Variants in DNAH14 observed in about 807,000 individuals in gnomAD.
DNAH14 encodes axonemal beta dynein heavy chain 14.
DNAH14 carries 478 observed loss-of-function variants against 520.9 expected under a neutral mutation model. The observed-to-expected ratio is 0.92, with a 90% CI of 0.85 to 0.99. DNAH14 has a LOEUF of 0.99. Among genes scored for constraint, DNAH14 ranks in the 50% least tolerant of loss-of-function variants. The pLI is 0.00. For missense variants in DNAH14, 4,831 were observed against 5,234.5 expected, an observed-to-expected ratio of 0.92 and a Z score of 2.38; for synonymous variants, 1,581 against 1,757.2, an observed-to-expected ratio of 0.90 and a Z score of 2.51.
chr1:225,060,454 T>C (rs1032443594), intron 17 of DNAH14, among the ~76,000 whole-genome samples: 2 of 152,196 alleles, frequency 1.3e-5, no homozygotes, highest in Non-Finnish European at 2.9e-5. Flanking sequence ...TTGCCATTGG[T>C]TCGACCTTCC....
At chr1:225,035,177 C>G (rs1007865837) in intron 11 of DNAH14, among the ~76,000 whole-genome samples, 9 of 151,848 alleles carry the variant, frequency 5.9e-5, no homozygotes, top group Non-Finnish European at 1.2e-4. Flanking sequence ...TCACTTTTTT[C>G]TAGGGTTTCC....
chr1:225,287,118 C>T (rs1410985502), intron 54 of DNAH14, among the ~76,000 whole-genome samples: 3 of 152,014 alleles, frequency 2.0e-5, no homozygotes, highest in Admixed American at 2.0e-4. Flanking sequence ...GGTAAAAATT[C>T]TGTATACTAT....
Position 224,929,835 on chromosome 1 carries a change from G to T in DNAH14, c.-34G>T. 1 of 689,500 alleles carries T rather than the reference G, an allele frequency of 1.5e-6. No homozygotes were observed. The highest frequency in any genetic ancestry group is 2.7e-6 in the Non-Finnish European group (1 of 375,996). The allele number at this position is 689,500 out of a possible 1,614,324, so 42.7% of individuals were successfully genotyped here. On this transcript the variant is annotated splice_region_variant and 5_prime_UTR_variant, in exon 1 of 86. Coordinates refer to ENST00000682510, the MANE Select transcript of DNAH14 (RefSeq NM_001367479.1). ...ACGGCCGTCGGACCACGGCGCGGCG[G>T]GTAAGGTCGTCAGCGTCTTCCTGTC...
At chr1:225,216,878 T>A (rs1019597567) in intron 41 of DNAH14, among the ~76,000 whole-genome samples, 2 of 152,220 alleles carry the variant, frequency 1.3e-5, no homozygotes, top group Non-Finnish European at 2.9e-5. Flanking sequence ...TTATTACTGA[T>A]CATCTGATGC....
Position 224,971,391 on chromosome 1 carries a change from G to A in DNAH14, c.767+2517G>A, listed in dbSNP as rs571045745. Among the ~76,000 whole-genome samples the A allele has an allele frequency of 4.6e-5, 7 of 152,200 alleles. No individual in the cohort carries two copies. In the South Asian group the frequency reaches 1.5e-3, roughly 32 times the overall value. On this transcript the variant is annotated intron_variant, in intron 7 of 85. Coordinates refer to ENST00000682510, the MANE Select transcript of DNAH14 (RefSeq NM_001367479.1). Reference sequence around the variant, plus strand: ...TTTTTTGTAAGAGAAGAAGGATTTTGTGACAGAGAAATTAATTATTGAATA... The same window carrying A: ...TTTTTTGTAAGAGAAGAAGGATTTTATGACAGAGAAATTAATTATTGAATA...
rs755622635 is a variant in DNAH14 at position 225,270,852 on chromosome 1, T to C, written c.7657T>C (p.Cys2553Arg). ...ACCTCATCCTTCACAAGACATCTTA[T>C]GTACTATTTTCCAGGTAACACATCT... is the stretch of plus-strand genomic sequence containing the variant. ...VLPHPSQDIL[C>R]TIFQAHLGIY... The change falls in exon 50 of 86, where the codon TGT becomes CGT. Residue 2553 changes from cysteine (C) to arginine (R), a missense_variant. By Grantham distance (180) the Cys-to-Arg change is radical. Coordinates refer to ENST00000682510, the MANE Select transcript of DNAH14 (RefSeq NM_001367479.1). 6.4e-7 allele frequency: 1 copy of C among 1,551,038 alleles called. No homozygotes were observed. Among genetic ancestry groups the C allele is most frequent in the South Asian group, 1.2e-5 (1 of 83,936 alleles).
intron 35 of DNAH14, among the ~76,000 whole-genome samples, chr1:225,165,314 A>G (rs1402610631): frequency 6.6e-6 from 1 of 152,058 alleles, no homozygotes; most frequent in East Asian, 1.9e-4. Flanking sequence ...TGTTCATAAT[A>G]TCACTATAAA....
At chr1:225,152,590 G>A in intron 32 of DNAH14, 107 bp from the exon 33 acceptor site, 1 of 1,019,688 alleles carries the variant, frequency 9.8e-7, no homozygotes, top group Non-Finnish European at 1.4e-6. Context: ...TTCAGATAAA[G>A]GTCACACAGA....
rs2095557757 is a variant in DNAH14 at position 225,366,774 on chromosome 1, C to T, written c.12091-1031C>T. 2.6e-5 allele frequency among the ~76,000 whole-genome samples: 4 copies of T among 151,712 alleles called. No individual in the cohort carries two copies. In the South Asian group the frequency reaches 8.3e-4, roughly 32 times the overall value. On this transcript the variant is annotated intron_variant, in intron 76 of 85. Transcript: ENST00000682510. Reference sequence around the variant, plus strand: ...TAAAACTTAGAGCCATTTGCTTACACTCCAGGGGTTGTAAAAACCTAGAGA... The same window carrying T: ...TAAAACTTAGAGCCATTTGCTTACATTCCAGGGGTTGTAAAAACCTAGAGA...
At chr1:225,000,056 G>A (rs535723775) in intron 8 of DNAH14, among the ~76,000 whole-genome samples, 1 of 152,120 alleles carries the variant, frequency 6.6e-6, no homozygotes, top group East Asian at 1.9e-4. Flanking sequence ...TTTGATTTCT[G>A]TTTAAAGAAC....
intron 78 of DNAH14, among the ~76,000 whole-genome samples, chr1:225,376,969 C>CAT (rs1575101522): frequency 2.1e-5 from 2 of 95,728 alleles, no homozygotes; most frequent in Non-Finnish European, 5.2e-5. Flanking sequence ...ACCTTTAAAG[C>CAT]GTTTTTTTTT....
chr1:225,175,682 A>G (rs2083237185), intron 36 of DNAH14, among the ~76,000 whole-genome samples: 2 of 146,948 alleles, frequency 1.4e-5, no homozygotes, highest in African/African-American at 2.5e-5. Context: ...CTTGAGGTGT[A>G]AGTGTGTTTA....
rs1348610331 is a variant in DNAH14, at chr1:225,080,477, A to C, written c.2865A>C (p.Lys955Asn). The C allele has an allele frequency of 6.4e-7, 1 of 1,551,686 alleles. No individual in the cohort carries two copies. The highest frequency in any genetic ancestry group is 8.7e-7 in the Non-Finnish European group (1 of 1,147,024). Reference protein sequence around the residue: ...LSGEAASLTNKAKAYSHYQDC... With the variant: ...LSGEAASLTNNAKAYSHYQDC... ...GGGAAGCTGCAAGTTTAACTAACAA[A>C]GCTAAAGCATATTCACATTATCAGG... The change falls in exon 19 of 86, where the codon AAA becomes AAC. Residue 955 changes from lysine (K) to asparagine (N), a missense_variant. By Grantham distance (94) the Lys-to-Asn change is moderately conservative (BLOSUM62 0). Transcript: ENST00000682510.
At chr1:225,103,546 T>A (rs1196211383) in intron 23 of DNAH14, among the ~76,000 whole-genome samples, 2 of 152,162 alleles carry the variant, frequency 1.3e-5, no homozygotes, top group African/African-American at 2.4e-5. Flanking sequence ...TCCATTTGTT[T>A]GTATCCTCTT....
chr1:225,174,639 C>G (rs1470493865), intron 36 of DNAH14, among the ~76,000 whole-genome samples: 11 of 150,270 alleles, frequency 7.3e-5, no homozygotes, highest in Non-Finnish European at 3.0e-5. Context: ...TTAAATTTCT[C>G]CTTTCTAATT....
intron 10 of DNAH14, among the ~76,000 whole-genome samples, chr1:225,013,581 G>A (rs1395922764): frequency 6.6e-6 from 1 of 152,186 alleles, no homozygotes; most frequent in Non-Finnish European, 1.5e-5. Flanking sequence ...GGTGCTCTGT[G>A]CCAAGGAGAT....
intron 31 of DNAH14, among the ~76,000 whole-genome samples, chr1:225,147,842 G>A (rs924488139): frequency 6.6e-6 from 1 of 152,118 alleles, no homozygotes; most frequent in Non-Finnish European, 1.5e-5. Context: ...ATAAGTCCAT[G>A]TGTTCTCATC....
intron 17 of DNAH14, among the ~76,000 whole-genome samples, chr1:225,062,413 CAAGT>C (rs963315179): frequency 2.6e-5 from 4 of 152,074 alleles, no homozygotes; most frequent in Non-Finnish European, 5.9e-5. Context: ...ATCAGGGAAA[CAAGT>C]GAGAGAGAGG....
Position 225,266,739 on chromosome 1 carries a change from A to G in DNAH14, c.7509A>G (p.Gly2503=), listed in dbSNP as rs1349718329. ...ELIRQLLDLG[G]VYDTEKNTWK... is the part of the protein sequence containing the mutation. ...TAAGACAATTGTTAGATTTGGGAGG[A>G]GTTTATGATACTGAAAAAAATACAT... The change falls in exon 49 of 86, where the codon GGA becomes GGG. Residue 2503 remains glycine, a synonymous_variant. Transcript: ENST00000682510. 1 of 1,523,574 alleles carries G rather than the reference A, an allele frequency of 6.6e-7. No homozygotes were observed. The highest frequency in any genetic ancestry group is 2.5e-5 in the East Asian group (1 of 39,720). The allele number at this position is 1,523,574 out of a possible 1,614,324, so 94.4% of individuals were successfully genotyped here. A position where few individuals can be genotyped will look rare whatever the true frequency, so the allele number is the denominator to read the frequency against.
Sources: allele counts gnomAD v4.1 joint callset (sites outside exome capture counted in the v4.1 genomes callset), GRCh38; gene constraint gnomAD v4.1.1; transcripts MANE v1.5; gene names NCBI Gene and HGNC (gene_info 2026-07-23, HGNC 2026-07-21).